Variants in UVSSA observed in about 807,000 individuals in gnomAD.
UVSSA encodes the protein UV stimulated scaffold protein A.
Under a neutral mutation model 73.9 loss-of-function variants are expected in UVSSA, and 72 were observed. The observed-to-expected ratio is 0.97, with a 90% CI of 0.81 to 1.19. The LOEUF (loss-of-function observed/expected upper bound fraction) is 1.19, where lower values mean the gene tolerates loss of function less well. Ranked by LOEUF, UVSSA falls within the 50% of genes most tolerant of loss-of-function variation. The probability of loss-of-function intolerance (pLI) is 0.00; values close to 1 mark genes in which losing one functional copy is unlikely to be tolerated. For synonymous variants in UVSSA, 454 were observed against 391.3 expected (o/e 1.16, Z -1.89); for missense variants, 1,150 against 965.0 (o/e 1.19, Z -2.54).
exon 14 of UVSSA, chr4:1,394,582 C>T (rs1345485025): frequency 5.3e-6 from 8 of 1,509,566 alleles, no homozygotes; most frequent in Non-Finnish European, 6.3e-6. Context: ...GGAGTGCCCG[C>T]CTGCTCATGT....
rs181080466 is a variant in UVSSA, at chr4:1,347,776, A to T, written c.-3+16A>T. On this transcript the variant is annotated intron_variant, in intron 1 of 13. Coordinates refer to ENST00000389851, the MANE Select transcript of UVSSA (RefSeq NM_020894.4). Reference sequence around the variant, plus strand: ...CGGAATCTGAGTGAATAAGGGAAACAGCAACAGTCACGTTGGGGAAAAGCT... The same window carrying T: ...CGGAATCTGAGTGAATAAGGGAAACTGCAACAGTCACGTTGGGGAAAAGCT... 3.1e-3 allele frequency: 915 copies of T among 293,964 alleles called. 3 individuals carry two copies. Among genetic ancestry groups the T allele is most frequent in the Non-Finnish European group, 4.4e-3 (685 of 154,342 alleles). The allele number at this position is 293,964 out of a possible 1,614,324, so 18.2% of individuals were successfully genotyped here.
At chr4:1,389,986 A>T (rs1011223048), downstream of UVSSA, 1 of 151,822 alleles carries the variant, frequency 6.6e-6, no homozygotes, top group African/African-American at 2.4e-5. Flanking sequence ...GTTAATTTCC[A>T]CTGTAATCTT....
Position 1,351,775 on chromosome 4 carries a change from C to T in UVSSA, c.490C>T (p.Gln164Ter), listed in dbSNP as rs1400591413. The part of the protein sequence containing the change: ...LAERKREEEK[Q>*]KHLDKIYQER... ...AGAAAGGAAGAGAGAAGAGGAGAAG[C>T]AGAAGCACTTGGATAAAATTTATCA... Residue 164 changes from glutamine to a stop codon, truncating the protein, a stop_gained, in exon 4 of 14, where the codon CAG becomes TAG. Transcript: ENST00000389851. LOFTEE classifies it high-confidence loss of function. 1.9e-6 allele frequency: 3 copies of T among 1,613,714 alleles called. No individual in the cohort carries two copies. The highest frequency in any genetic ancestry group is 2.2e-5 in the East Asian group (1 of 44,884).
downstream of UVSSA, chr4:1,390,585 G>C (rs1720389550): frequency 6.6e-6 from 1 of 152,230 alleles, no homozygotes; most frequent in African/African-American, 2.4e-5. Flanking sequence ...TACCTGGCCT[G>C]TTACTGATTT....
At chr4:1,362,106 T>C (rs1025320136) in intron 7 of UVSSA, among the ~76,000 whole-genome samples, 1 of 152,228 alleles carries the variant, frequency 6.6e-6, no homozygotes, top group Admixed American at 6.5e-5. Context: ...GATTGCATTG[T>C]ATATTTTAGC....
At chr4:1,394,609 C>A in exon 14 of UVSSA, 1 of 1,505,892 alleles carries the variant, frequency 6.6e-7, no homozygotes, top group Non-Finnish European at 9.0e-7. Context: ...GTGGAGTGCC[C>A]GCCTGCTCAC....
Position 1,386,008 on chromosome 4 carries a change from A to G in UVSSA, c.*47A>G. 6.3e-7 allele frequency: 1 copy of G among 1,595,124 alleles called. No individual in the cohort carries two copies. Among genetic ancestry groups the G allele is most frequent in the Non-Finnish European group, 8.6e-7 (1 of 1,163,134 alleles). ...GCCATCAGCACTTTCTCCCTCTGCC[A>G]GTGTCTCAGGACAGCAGAGTGGGCG... On this transcript the variant is annotated 3_prime_UTR_variant, in exon 14 of 14. Transcript: ENST00000389851.
At chr4:1,354,589 C>A (rs914216870) in intron 5 of UVSSA, 146 bp from the exon 6 acceptor site, 44 of 644,320 alleles carry the variant, frequency 6.8e-5, no homozygotes, top group Non-Finnish European at 1.2e-4. Context: ...CTCACAGCAT[C>A]AGGTTTGGGA....
chr4:1,358,840 C>G (rs1184268677), intron 7 of UVSSA, among the ~76,000 whole-genome samples: 1 of 152,254 alleles, frequency 6.6e-6, no homozygotes, highest in Non-Finnish European at 1.5e-5. Flanking sequence ...GTGTGTAGAA[C>G]AGGGCACGCT....
At chr4:1,394,331 G>C in exon 14 of UVSSA, 1 of 1,113,230 alleles carries the variant, frequency 9.0e-7, no homozygotes, top group Non-Finnish European at 1.2e-6. Flanking sequence ...GTTCTACTTA[G>C]AATGCTCTTC....
At chr4:1,370,525 C>T (rs1211367825) in intron 8 of UVSSA, among the ~76,000 whole-genome samples, 1 of 152,240 alleles carries the variant, frequency 6.6e-6, no homozygotes, top group Non-Finnish European at 1.5e-5. Context: ...GCCTGGCAGG[C>T]GTGCAGCCGT....
At chr4:1,343,947 C>T (rs2109030477), upstream of UVSSA, among the ~76,000 whole-genome samples, 1 of 152,238 alleles carries the variant, frequency 6.6e-6, no homozygotes, top group Middle Eastern at 3.4e-3. Flanking sequence ...TTTACATCAC[C>T]TCAGTTTTTA....
chr4:1,385,658 G>A, intron 13 of UVSSA: 2 of 590,866 alleles, frequency 3.4e-6, no homozygotes, highest in Non-Finnish European at 6.0e-6. Context: ...TGGGACCTGG[G>A]GCGGCCCTTT....
rs896464973 is a variant in UVSSA at position 1,386,268 on chromosome 4, G to C, written c.*307G>C. 5 of 339,318 alleles carry C rather than the reference G, an allele frequency of 1.5e-5. No homozygotes were observed. The highest frequency in any genetic ancestry group is 1.2e-4 in the Admixed American group (3 of 24,298). 21.0% of individuals were successfully genotyped at this position (339,318 alleles called of 1,614,324 possible). ...AGACCAGTGCTTGTCGTGGTGTGGG[G>C]TTCAGCACGGACGGAATGTGTGTGC... is the stretch of plus-strand genomic sequence containing the variant. On this transcript the variant is annotated 3_prime_UTR_variant, in exon 14 of 14. Coordinates refer to ENST00000389851, the MANE Select transcript of UVSSA (RefSeq NM_020894.4).
At chr4:1,371,729 CG>C (rs1216399167) in intron 8 of UVSSA, among the ~76,000 whole-genome samples, 1 of 152,150 alleles carries the variant, frequency 6.6e-6, no homozygotes, top group Non-Finnish European at 1.5e-5. Context: ...TTCACTCTCA[CG>C]GGGACAGCAC....
rs369443466 is a variant in UVSSA, at chr4:1,370,635, C to T, written c.1288+4204C>T. Among the ~76,000 whole-genome samples the T allele has an allele frequency of 6.5e-4, 99 of 152,360 alleles. 3 individuals are homozygous for T. In the South Asian group the frequency reaches 0.016, roughly 24 times the overall value. Reference sequence around the variant, plus strand: ...GGGGCCACATGAGGCCTTGTCTCCACGTGTAGATGGTGGGTGTGACTGGGT... The same window carrying T: ...GGGGCCACATGAGGCCTTGTCTCCATGTGTAGATGGTGGGTGTGACTGGGT... On this transcript the variant is annotated intron_variant, in intron 8 of 13. Coordinates refer to ENST00000389851, the MANE Select transcript of UVSSA (RefSeq NM_020894.4).
chr4:1,383,277 C>T (rs1202969809), intron 12 of UVSSA, among the ~76,000 whole-genome samples: 1 of 152,248 alleles, frequency 6.6e-6, no homozygotes, highest in African/African-American at 2.4e-5. Context: ...GAGCATCATG[C>T]TTGGCCCAGC....
intron 2 of UVSSA, among the ~76,000 whole-genome samples, chr4:1,348,962 C>A (rs895836630): frequency 1.3e-5 from 2 of 150,780 alleles, no homozygotes; most frequent in Non-Finnish European, 2.9e-5. Context: ...GGGCGGTGTG[C>A]GTTGTGCCAG....
At position 1,395,095 on chromosome 4, in the gene UVSSA, T is replaced by C. The variant is rs138049268; in HGVS notation, c.*9134T>C. The stretch of plus-strand genomic sequence containing the variant: ...GCCCGCCTGATCACACGTGCCCATG[T>C]GGAGTGCTCGCCTGCTCACACGTGC... On this transcript the variant is annotated 3_prime_UTR_variant, in exon 14 of 14. Coordinates refer to the UVSSA transcript ENST00000511216. 83 of 1,288,770 alleles carry C rather than the reference T, an allele frequency of 6.4e-5. 11 individuals carry two copies. In the African/African-American group the frequency reaches 1.2e-3, roughly 18 times the overall value. 79.8% of individuals were successfully genotyped at this position (1,288,770 alleles called of 1,614,324 possible). A position where few individuals can be genotyped will look rare whatever the true frequency, so the allele number is the denominator to read the frequency against.
Sources: gnomAD v4.1 joint callset for allele counts (sites outside exome capture counted in the v4.1 genomes callset) on GRCh38, gnomAD v4.1.1 for gene constraint, MANE v1.5 for transcripts, NCBI Gene and HGNC (gene_info 2026-07-23, HGNC 2026-07-21) for gene names.